SHROOM3: variants seen among roughly 807,000 people sequenced by gnomAD.
The protein encoded by SHROOM3 is shroom family member 3.
SHROOM3 carries 47 observed loss-of-function variants against 138.6 expected under a neutral mutation model. The ratio of observed to expected loss-of-function variants is 0.34; its 90% CI spans 0.27 to 0.43. SHROOM3 has a LOEUF of 0.43. Ranked by LOEUF, SHROOM3 falls within the 20% of genes least tolerant of loss-of-function variation. The probability of loss-of-function intolerance (pLI) is 1.00; values close to 1 mark genes in which losing one functional copy is unlikely to be tolerated. For missense variants in SHROOM3, 2,491 were observed against 2,596.5 expected, an observed-to-expected ratio of 0.96 and a Z score of 0.88; for synonymous variants, 1,062 against 1,063.3, an observed-to-expected ratio of 1.00 and a Z score of 0.02.
At chr4:76,763,205 G>A (rs2110150092) in intron 9 of SHROOM3, among the ~76,000 whole-genome samples, 1 of 152,076 alleles carries the variant, frequency 6.6e-6, no homozygotes, top group South Asian at 2.1e-4. Flanking sequence ...GAGCAATATA[G>A]TGAAACCCTA....
intron 1 of SHROOM3, among the ~76,000 whole-genome samples, chr4:76,445,234 T>C (rs1730781419): frequency 6.6e-6 from 1 of 152,214 alleles, no homozygotes; most frequent in South Asian, 2.1e-4. Flanking sequence ...CTTGGCTGAT[T>C]TTCTGTATCA....
chr4:76,725,304 A>G (rs1172537329), intron 3 of SHROOM3, among the ~76,000 whole-genome samples: 1 of 152,160 alleles, frequency 6.6e-6, no homozygotes, highest in Non-Finnish European at 1.5e-5. Flanking sequence ...TATTGCAGGT[A>G]TTGGACCTAC....
At chr4:76,676,944 C>CAAA (rs58270392) in intron 2 of SHROOM3, among the ~76,000 whole-genome samples, 142 of 78,510 alleles carry the variant, frequency 1.8e-3, no homozygotes, top group Non-Finnish European at 2.2e-3. Context: ...CTCCGTCTCA[C>CAAA]AAAAAAAAAA....
At chr4:76,651,926 G>A (rs933378621) in intron 2 of SHROOM3, among the ~76,000 whole-genome samples, 3 of 152,272 alleles carry the variant, frequency 2.0e-5, no homozygotes, top group Admixed American at 6.5e-5. Context: ...GCCTGCCATG[G>A]TTTTAATGGT....
chr4:76,698,785 A>G (rs929564379), intron 2 of SHROOM3, among the ~76,000 whole-genome samples: 1 of 152,174 alleles, frequency 6.6e-6, no homozygotes, highest in Non-Finnish European at 1.5e-5. Context: ...TAATTCTGTC[A>G]TCCTTGACCT....
intron 2 of SHROOM3, among the ~76,000 whole-genome samples, chr4:76,650,083 C>T (rs1270000388): frequency 6.6e-6 from 1 of 152,122 alleles, no homozygotes; most frequent in Non-Finnish European, 1.5e-5. Context: ...ATGAGCTCTC[C>T]AATGTCTCTA....
chr4:76,593,048 G>C (rs894282115), intron 2 of SHROOM3, among the ~76,000 whole-genome samples: 2 of 152,142 alleles, frequency 1.3e-5, no homozygotes, highest in African/African-American at 4.8e-5. Context: ...GACTAGCTCA[G>C]GAAATTAGAA....
rs766551581 is a variant in SHROOM3 at position 76,741,342 on chromosome 4, C to G, written c.3169C>G (p.Arg1057Gly). ...TTTCCCGGAGAGCAGCGTGGCCGAC[C>G]GGCGCCGTCTCTTCGAGCGCGATGG... Reference protein sequence around the residue: ...MRFPESSVADRRRLFERDGKA... With the variant: ...MRFPESSVADGRRLFERDGKA... Residue 1057 changes from arginine to glycine, a missense_variant, in exon 5 of 11, where the codon CGG becomes GGG. Arg to Gly is a moderately radical substitution (Grantham distance 125). Transcript: ENST00000296043. The surrounding 1 kb of genome is among the most constrained non-coding windows in gnomAD (Gnocchi z 6.2). The G allele has an allele frequency of 4.3e-6, 7 of 1,610,352 alleles. 1 individual carries two copies. The South Asian group carries it at 7.7e-5, about 18-fold the overall frequency.
At chr4:76,662,970 T>A (rs1049929070) in intron 2 of SHROOM3, among the ~76,000 whole-genome samples, 1 of 151,500 alleles carries the variant, frequency 6.6e-6, no homozygotes, top group African/African-American at 2.4e-5. Flanking sequence ...AGAGAGAGAT[T>A]CACAGAGTTG....
chr4:76,531,439 C>T (rs1453830794), intron 1 of SHROOM3, among the ~76,000 whole-genome samples: 2 of 152,096 alleles, frequency 1.3e-5, no homozygotes, highest in Non-Finnish European at 2.9e-5. Flanking sequence ...GTAATTAACC[C>T]TATCCAAACC....
At chr4:76,606,712 A>G (rs1454710022) in intron 2 of SHROOM3, among the ~76,000 whole-genome samples, 1 of 152,088 alleles carries the variant, frequency 6.6e-6, no homozygotes, top group African/African-American at 2.4e-5. Context: ...CAAAAAATAA[A>G]TACATACATA....
intron 1 of SHROOM3, among the ~76,000 whole-genome samples, chr4:76,461,534 T>C (rs1241433872): frequency 6.6e-6 from 1 of 152,226 alleles, no homozygotes; most frequent in Non-Finnish European, 1.5e-5. Flanking sequence ...TATTTACTAC[T>C]ACCTGCTTAC....
intron 1 of SHROOM3, among the ~76,000 whole-genome samples, chr4:76,516,688 A>G (rs1463771857): frequency 6.6e-6 from 1 of 152,162 alleles, no homozygotes; most frequent in East Asian, 1.9e-4. Flanking sequence ...TCACCAGGGC[A>G]GTCCCTGAGG....
intron 3 of SHROOM3, among the ~76,000 whole-genome samples, chr4:76,714,480 G>C (rs1260426320): frequency 6.6e-6 from 1 of 152,092 alleles, no homozygotes; most frequent in African/African-American, 2.4e-5. Context: ...CTCATATAAG[G>C]GTTACATGAT....
intron 2 of SHROOM3, among the ~76,000 whole-genome samples, chr4:76,709,367 C>T (rs979636069): frequency 2.0e-5 from 3 of 152,162 alleles, no homozygotes; most frequent in African/African-American, 7.2e-5. Context: ...ACTTCAAAGC[C>T]TGATGCAGGG....
chr4:76,528,562 T>TTTTTTTTTTG (rs1732754135), intron 1 of SHROOM3, among the ~76,000 whole-genome samples: 7 of 146,358 alleles, frequency 4.8e-5, no homozygotes, highest in African/African-American at 7.6e-5. Flanking sequence ...TTTTTTTTTT[T>TTTTTTTTTTG]GAGGCAGAGT....
At position 76,741,702 on chromosome 4, in the gene SHROOM3, GGCC is replaced by G; in HGVS notation, c.3536_3538del (p.Arg1179del). On this transcript the variant is annotated inframe_deletion, in exon 5 of 11. Coordinates refer to ENST00000296043, the MANE Select transcript of SHROOM3 (RefSeq NM_020859.4). The surrounding 1 kb of genome is among the most constrained non-coding windows in gnomAD (Gnocchi z 6.2). ...AGATCGCAGCAGCTCCTTCGCCGGT[GGCC>G]GCCGCCTCGGGGAACGGCGACGCGG... 6.4e-7 allele frequency: 1 copy of G among 1,552,606 alleles called. No individual in the cohort carries two copies. The highest frequency in any genetic ancestry group is 8.7e-7 in the Non-Finnish European group (1 of 1,149,764).
intron 1 of SHROOM3, among the ~76,000 whole-genome samples, chr4:76,552,786 G>A (rs1418124473): frequency 4.6e-5 from 7 of 152,118 alleles, no homozygotes; most frequent in Admixed American, 3.3e-4. Flanking sequence ...ATTCTGGAGA[G>A]TAATTACTAA....
At chr4:76,650,203 T>A (rs2110087843) in intron 2 of SHROOM3, among the ~76,000 whole-genome samples, 1 of 152,236 alleles carries the variant, frequency 6.6e-6, no homozygotes, top group African/African-American at 2.4e-5. Context: ...GGGGAGTACA[T>A]AAACATTTAG....
Sources: allele counts gnomAD v4.1 joint callset (sites outside exome capture counted in the v4.1 genomes callset), GRCh38; gene constraint gnomAD v4.1.1; non-coding constraint Gnocchi (gnomAD v3.1); transcripts MANE v1.5; gene names NCBI Gene and HGNC (gene_info 2026-07-23, HGNC 2026-07-21).